FGGY: variants seen among roughly 807,000 people sequenced by gnomAD.
FGGY encodes the protein FGGY carbohydrate kinase domain containing.
In FGGY, 72 loss-of-function variants were observed where a neutral mutation model predicts 71.3. That is an observed-to-expected ratio of 1.01 (90% CI 0.84 to 1.23). FGGY has a LOEUF of 1.23. Ranked by LOEUF, FGGY falls within the 50% of genes most tolerant of loss-of-function variation. The pLI is 0.00. For synonymous variants in FGGY, 251 were observed against 250.3 expected (o/e 1.00, Z -0.02); for missense variants, 668 against 682.3 (o/e 0.98, Z 0.23).
intron 12 of FGGY, among the ~76,000 whole-genome samples, chr1:59,661,886 A>AT (rs1487724863): frequency 1.3e-5 from 2 of 150,744 alleles, no homozygotes; most frequent in African/African-American, 4.9e-5. Context: ...TGCCCAGCTG[A>AT]TTTTTTGTAT....
intron 11 of FGGY, among the ~76,000 whole-genome samples, chr1:59,651,149 C>G (rs1353282837): frequency 6.6e-6 from 1 of 151,520 alleles, no homozygotes; most frequent in Non-Finnish European, 1.5e-5. Context: ...TTTACATTTG[C>G]TGAGGAGAGC....
intron 9 of FGGY, among the ~76,000 whole-genome samples, chr1:59,610,551 T>C (rs1483847095): frequency 6.6e-6 from 1 of 152,228 alleles, no homozygotes; most frequent in African/African-American, 2.4e-5. Context: ...GATGGCCGAA[T>C]AGGAACAGCT....
In FGGY at chr1:59,497,934, G is replaced by A. The variant is rs72915661; in HGVS notation, c.671-14377G>A. On this transcript the variant is annotated intron_variant, in intron 6 of 15. Coordinates refer to ENST00000303721, the MANE Select transcript of FGGY (RefSeq NM_018291.5). ...AGGCCCTTTTTTGCACCTGATTTTT[G>A]CCAGGCAGCATAATTAGAGGATGTT... Among the ~76,000 whole-genome samples the A allele has an allele frequency of 7.5e-3, 1,138 of 152,032 alleles. 11 individuals are homozygous for A. Among genetic ancestry groups the A allele is most frequent in the African/African-American group, 0.026 (1,065 of 41,454 alleles).
chr1:59,512,453 T>C lies in FGGY; in HGVS notation c.799+14T>C, dbSNP rs769011910. 1 of 1,611,418 alleles carries C rather than the reference T, an allele frequency of 6.2e-7. No individual in the cohort carries two copies. Among genetic ancestry groups the C allele is most frequent in the Non-Finnish European group, 8.5e-7 (1 of 1,178,610 alleles). On this transcript the variant is annotated intron_variant, in intron 7 of 15. Transcript: ENST00000303721. ...CAGGAGGACTAGGTAATCTCTTATT[T>C]GTTGCCTACAGCCAAAACCGTATTC...
At chr1:59,513,533 A>G (rs2094566741) in intron 7 of FGGY, among the ~76,000 whole-genome samples, 1 of 152,240 alleles carries the variant, frequency 6.6e-6, no homozygotes, top group African/African-American at 2.4e-5. Flanking sequence ...GCCTTCCATG[A>G]AACACTCAGG....
At chr1:59,683,075 C>T (rs1318489695) in intron 14 of FGGY, among the ~76,000 whole-genome samples, 1 of 152,164 alleles carries the variant, frequency 6.6e-6, no homozygotes, top group Admixed American at 6.5e-5. Context: ...GAATCCCTTT[C>T]CTTGTTTTGA....
chr1:59,517,252 CTCT>C (rs2094684487), intron 7 of FGGY, among the ~76,000 whole-genome samples: 1 of 137,864 alleles, frequency 7.3e-6, no homozygotes, highest in Admixed American at 7.3e-5. Context: ...TTCTCAGTTG[CTCT>C]TTTTTTTTTT....
intron 5 of FGGY, among the ~76,000 whole-genome samples, chr1:59,406,204 T>TTTTTTTTTTTTTTTTTTTTTGAGA (rs1553183870): frequency 1.3e-5 from 2 of 151,100 alleles, no homozygotes; most frequent in African/African-American, 4.8e-5. Flanking sequence ...TGTGGCACTT[T>TTTTTTTTTTTTTTTTTTTTTGAGA]CACAGTCATT....
At chr1:59,501,814 C>T (rs888097395) in intron 6 of FGGY, among the ~76,000 whole-genome samples, 8 of 152,156 alleles carry the variant, frequency 5.3e-5, no homozygotes, top group African/African-American at 1.7e-4. Context: ...GCAGTTTGCT[C>T]TCATGACCCC....
chr1:59,482,328 G>T (rs1460436481), intron 6 of FGGY, among the ~76,000 whole-genome samples: 2 of 152,084 alleles, frequency 1.3e-5, no homozygotes, highest in African/African-American at 4.8e-5. Flanking sequence ...GGGCTTGCCA[G>T]ACACAAACCT....
At chr1:59,527,338 C>T (rs975785651) in intron 7 of FGGY, among the ~76,000 whole-genome samples, 16 of 152,234 alleles carry the variant, frequency 1.1e-4, no homozygotes, top group African/African-American at 3.9e-4. Context: ...ACCGCACTTA[C>T]CCTGTAGAGT....
At chr1:59,599,896 T>C (rs1352702383) in intron 8 of FGGY, among the ~76,000 whole-genome samples, 1 of 151,860 alleles carries the variant, frequency 6.6e-6, no homozygotes, top group Non-Finnish European at 1.5e-5. Flanking sequence ...GATTGGGAAA[T>C]GATAACATAG....
At chr1:59,464,560 CA>C (rs1358830832) in intron 6 of FGGY, among the ~76,000 whole-genome samples, 1 of 151,906 alleles carries the variant, frequency 6.6e-6, no homozygotes, top group South Asian at 2.1e-4. Context: ...AAAAACCCTT[CA>C]AAAAATCAAT....
intron 1 of FGGY, among the ~76,000 whole-genome samples, chr1:59,306,589 C>T (rs908520550): frequency 6.6e-6 from 1 of 152,140 alleles, no homozygotes; most frequent in Non-Finnish European, 1.5e-5. Flanking sequence ...GCCAACTCTA[C>T]AGGAAAAGAG....
At chr1:59,325,074 C>T (rs1021454400) in intron 2 of FGGY, among the ~76,000 whole-genome samples, 4 of 152,278 alleles carry the variant, frequency 2.6e-5, no homozygotes, top group East Asian at 1.9e-4. Context: ...TAAGCTTAGG[C>T]GGGGCGTGTT....
chr1:59,473,107 G>A (rs1458557491), intron 6 of FGGY, among the ~76,000 whole-genome samples: 1 of 152,110 alleles, frequency 6.6e-6, no homozygotes, highest in African/African-American at 2.4e-5. Flanking sequence ...TCCACACTGT[G>A]GAAGCTTTGT....
Position 59,579,162 on chromosome 1 carries a change from A to T in FGGY, c.903+24935A>T, listed in dbSNP as rs1474148066. Among the ~76,000 whole-genome samples, 4 of 152,150 alleles carry T rather than the reference A, an allele frequency of 2.6e-5. No individual in the cohort carries two copies. In the South Asian group the frequency reaches 8.3e-4, roughly 32 times the overall value. ...TCGTTCTGTTGGCAGCATTGGGCAC[A>T]GCTGCGCCCTCCCTTCTCAAAACCC... On this transcript the variant is annotated intron_variant, in intron 8 of 15. Coordinates refer to ENST00000303721, the MANE Select transcript of FGGY (RefSeq NM_018291.5).
At chr1:59,605,338 G>A (rs1464081863) in intron 8 of FGGY, among the ~76,000 whole-genome samples, 4 of 152,138 alleles carry the variant, frequency 2.6e-5, no homozygotes, top group Admixed American at 6.5e-5. Context: ...GACTTTCAGC[G>A]CTGAAACTGG....
intron 3 of FGGY, among the ~76,000 whole-genome samples, chr1:59,343,879 A>G (rs1000964612): frequency 6.6e-6 from 1 of 152,196 alleles, no homozygotes; most frequent in Non-Finnish European, 1.5e-5. Context: ...GTTTAGCAAC[A>G]GGTATTTTTA....
Sources: allele counts gnomAD v4.1 joint callset (sites outside exome capture counted in the v4.1 genomes callset), GRCh38; gene constraint gnomAD v4.1.1; transcripts MANE v1.5; gene names NCBI Gene and HGNC (gene_info 2026-07-23, HGNC 2026-07-21).